Variants in SDK2 observed in about 807,000 individuals in gnomAD.
SDK2 encodes sidekick cell adhesion molecule 2.
A neutral mutation model predicts 253.9 loss-of-function variants in SDK2; 105 were observed. That is an observed-to-expected ratio of 0.41 (90% confidence interval 0.35 to 0.49). The LOEUF (loss-of-function observed/expected upper bound fraction) is 0.49, where lower values mean the gene tolerates loss of function less well. Ranked by LOEUF, SDK2 falls within the 20% of genes least tolerant of loss-of-function variation. The pLI is 0.06. For synonymous variants in SDK2, 1,249 were observed against 1,234.9 expected (o/e 1.01, Z -0.24); for missense variants, 2,608 against 3,003.0 (o/e 0.87, Z 3.07).
chr17:73,432,304 T>C (rs1474855537), intron 10 of SDK2, among the ~76,000 whole-genome samples: 1 of 151,650 alleles, frequency 6.6e-6, no homozygotes, highest in African/African-American at 2.4e-5. Flanking sequence ...CCTGCAGGAG[T>C]GAGCCTGGGA....
intron 1 of SDK2, among the ~76,000 whole-genome samples, chr17:73,598,704 C>T (rs974428365): frequency 6.6e-6 from 1 of 152,192 alleles, no homozygotes; most frequent in Non-Finnish European, 1.5e-5. Context: ...CCACCGGGAG[C>T]AGCCCATCCC....
intron 3 of SDK2, among the ~76,000 whole-genome samples, chr17:73,459,587 T>C (rs766421251): frequency 5.9e-5 from 9 of 152,380 alleles, no homozygotes; most frequent in Non-Finnish European, 1.2e-4. Flanking sequence ...CCTTGTTCTA[T>C]ACTTGGTAGA....
At chr17:73,551,440 G>A (rs995895735) in intron 1 of SDK2, among the ~76,000 whole-genome samples, 2 of 152,216 alleles carry the variant, frequency 1.3e-5, no homozygotes, top group Non-Finnish European at 2.9e-5. Flanking sequence ...GAGCCTCGCA[G>A]CTCCTGCCAG....
At position 73,391,465 on chromosome 17, in the gene SDK2, A is replaced by G. The variant is rs953459109; in HGVS notation, c.3972T>C (p.Pro1324=). The G allele has an allele frequency of 1.5e-6, 2 of 1,310,438 alleles. No homozygotes were observed. Among genetic ancestry groups the G allele is most frequent in the Middle Eastern group, 4.1e-4 (2 of 4,912 alleles). The allele number at this position is 1,310,438 out of a possible 1,614,324, so 81.2% of individuals were successfully genotyped here. The change falls in exon 28 of 45, where the codon CCT becomes CCC. Residue 1324 remains proline (P), a synonymous_variant. Transcript: ENST00000392650. Reference sequence around the variant, plus strand: ...CAAGAATGATGCCATTGGGGGCGGCAGGGGGCTGCCAGATCAGCCGCACAG... The same window carrying G: ...CAAGAATGATGCCATTGGGGGCGGCGGGGGGCTGCCAGATCAGCCGCACAG... ...TTSVRLIWQP[P]AAPNGIILAY...
At chr17:73,545,631 G>A (rs968411398) in intron 1 of SDK2, among the ~76,000 whole-genome samples, 1 of 151,976 alleles carries the variant, frequency 6.6e-6, no homozygotes, top group Admixed American at 6.5e-5. Context: ...ATCACACTGG[G>A]AGGTTGGGGG....
intron 1 of SDK2, among the ~76,000 whole-genome samples, chr17:73,560,488 C>T (rs1301785045): frequency 4.6e-5 from 7 of 152,114 alleles, no homozygotes; most frequent in Admixed American, 6.5e-5. Context: ...TACAGGCGTG[C>T]GCCACCATGC....
chr17:73,371,381 G>C (rs1247576464), intron 36 of SDK2, among the ~76,000 whole-genome samples: 1 of 152,140 alleles, frequency 6.6e-6, no homozygotes, highest in African/African-American at 2.4e-5. Context: ...GCTAGCGAGG[G>C]AAGCTGAGGA....
chr17:73,521,148 C>CAAGTGATCT (rs2064075923), intron 1 of SDK2: 2 of 150,674 alleles, frequency 1.3e-5, no homozygotes, highest in Non-Finnish European at 3.0e-5. Context: ...TCAAGTGATC[C>CAAGTGATCT]TCCACTTTAG....
At position 73,618,310 on chromosome 17, in the gene SDK2, G is replaced by A. The variant is rs1048997413; in HGVS notation, c.64+25715C>T. Among the ~76,000 whole-genome samples, 4 of 152,166 alleles carry A rather than the reference G, an allele frequency of 2.6e-5. No homozygotes were observed. Among genetic ancestry groups the A allele is most frequent in the Non-Finnish European group, 4.4e-5 (3 of 68,036 alleles). On this transcript the variant is annotated intron_variant, in intron 1 of 44. Transcript: ENST00000392650. The surrounding 1 kb of genome is among the most constrained non-coding windows in gnomAD (Gnocchi z 4.1). ...CTTCTGGCTTGGGGCAGAAATGGCC[G>A]TTCATGCCAACTGGCCTCTCCCCAT... is the stretch of plus-strand genomic sequence containing the variant.
chr17:73,493,461 G>T (rs147938183), intron 2 of SDK2, among the ~76,000 whole-genome samples: 54 of 152,334 alleles, frequency 3.5e-4, no homozygotes, highest in African/African-American at 1.2e-3. Flanking sequence ...CTGGGAAGTG[G>T]GAGGAGATGA....
intron 1 of SDK2, among the ~76,000 whole-genome samples, chr17:73,611,848 C>A (rs924471033): frequency 3.9e-5 from 6 of 152,186 alleles, no homozygotes; most frequent in Non-Finnish European, 8.8e-5. Context: ...TGGAGGGAGT[C>A]GCCACCAGAG....
At chr17:73,559,133 C>G (rs1317065777) in intron 1 of SDK2, among the ~76,000 whole-genome samples, 1 of 152,170 alleles carries the variant, frequency 6.6e-6, no homozygotes, top group Non-Finnish European at 1.5e-5. Context: ...ACTCTCCTGC[C>G]TGCACCGGGG....
At chr17:73,563,081 C>T (rs1022792134) in intron 1 of SDK2, among the ~76,000 whole-genome samples, 10 of 152,192 alleles carry the variant, frequency 6.6e-5, no homozygotes, top group East Asian at 5.8e-4. Context: ...CCCTGGTCCT[C>T]GGGCCATTGC....
chr17:73,447,798 C>T lies in SDK2; in HGVS notation c.480-50G>A. ...TGACAGGGGCCTAAGGGGCTCTGAA[C>T]CTCCAGGGAGTGGGAGTGGAAACCC... is the stretch of plus-strand genomic sequence containing the variant. On this transcript the variant is annotated intron_variant, in intron 4 of 44. Coordinates refer to ENST00000392650, the MANE Select transcript of SDK2 (RefSeq NM_001144952.2). This position sits in a 1 kb window ranked among gnomAD's most constrained non-coding sequence, Gnocchi z 4.0. The T allele has an allele frequency of 6.5e-7, 1 of 1,549,696 alleles. No individual in the cohort carries two copies. The highest frequency in any genetic ancestry group is 8.7e-7 in the Non-Finnish European group (1 of 1,145,566).
chr17:73,497,540 C>A (rs553226642), intron 2 of SDK2, among the ~76,000 whole-genome samples: 16 of 152,052 alleles, frequency 1.1e-4, no homozygotes, highest in Non-Finnish European at 2.2e-4. Context: ...GCTCCTTCTC[C>A]GCCTGGGATT....
chr17:73,524,366 A>G (rs2064108492), intron 1 of SDK2, among the ~76,000 whole-genome samples: 2 of 151,710 alleles, frequency 1.3e-5, no homozygotes, highest in South Asian at 4.2e-4. Flanking sequence ...CCGGCCATTC[A>G]CCCTTCTTTT....
rs764773264 is a variant in SDK2, at chr17:73,415,932, C to G, written c.2247G>C (p.Val749=). 3.1e-6 allele frequency: 5 copies of G among 1,611,108 alleles called. No individual in the cohort carries two copies. The South Asian group carries it at 4.4e-5, about 14-fold the overall frequency. The part of the protein sequence containing the change: ...YQFKNITDAD[V]NNLLLEDLII... The stretch of plus-strand genomic sequence containing the variant: ...TGAGATCCTCCAGCAGCAGGTTGTT[C>G]ACATCAGCATCCGTGATGTTCTTAA... The change falls in exon 17 of 45, where the codon GTG becomes GTC. Residue 749 remains valine, a synonymous_variant. Transcript: ENST00000392650.
chr17:73,405,469 T>C (rs1276219604), intron 18 of SDK2, among the ~76,000 whole-genome samples: 2 of 4,420 alleles, frequency 4.5e-4, no homozygotes, highest in African/African-American at 2.3e-3. Flanking sequence ...CAAAAAACCA[T>C]ATATATATAT....
Position 73,370,475 on chromosome 17 carries a change from T to C in SDK2, c.4981-1882A>G, listed in dbSNP as rs188215827. ...CCAGGCTGGTCTTGAACTCCTGGGC[T>C]CAAGCGATCCAACCACCTTGGCTTC... On this transcript the variant is annotated intron_variant, in intron 36 of 44. Transcript: ENST00000392650. Among the ~76,000 whole-genome samples, 114 of 152,102 alleles carry C rather than the reference T, an allele frequency of 7.5e-4. No homozygotes were observed. In the Middle Eastern group the frequency reaches 0.01, roughly 14 times the overall value.
Sources: allele counts gnomAD v4.1 joint callset (sites outside exome capture counted in the v4.1 genomes callset), GRCh38; gene constraint gnomAD v4.1.1; non-coding constraint Gnocchi (gnomAD v3.1); transcripts MANE v1.5; gene names NCBI Gene and HGNC (gene_info 2026-07-23, HGNC 2026-07-21).